The following ANKFY1 variants were observed in gnomAD, a reference collection of about 807,000 sequenced individuals.
ANKFY1 encodes the protein ankyrin repeat and FYVE domain-containing protein 1.
ANKFY1 carries 47 observed loss-of-function variants against 128.3 expected under a neutral mutation model. That is an observed-to-expected ratio of 0.37 (90% CI 0.29 to 0.47). The LOEUF is 0.47. ANKFY1 is among the 20% of genes least tolerant of loss of function. ANKFY1 has a pLI of 1.00. For synonymous variants in ANKFY1, 553 were observed against 601.6 expected, an observed-to-expected ratio of 0.92 and a Z score of 1.18; for missense variants, 1,222 against 1,510.6, an observed-to-expected ratio of 0.81 and a Z score of 3.17.
At chr17:4,186,317 G>C (rs2059611137) in intron 11 of ANKFY1, 1 of 152,656 alleles carries the variant, frequency 6.6e-6, no homozygotes, top group South Asian at 2.1e-4. Flanking sequence ...AAGGCTTCTT[G>C]TAAAAATCAG....
At chr17:4,190,467 C>T (rs1470128635) in intron 10 of ANKFY1, among the ~76,000 whole-genome samples, 2 of 151,972 alleles carry the variant, frequency 1.3e-5, no homozygotes, top group African/African-American at 4.8e-5. Context: ...GAAATGTCTA[C>T]AGATGTTGAC....
At chr17:4,204,164 T>G (rs555267149) in intron 7 of ANKFY1, among the ~76,000 whole-genome samples, 2 of 152,318 alleles carry the variant, frequency 1.3e-5, no homozygotes, top group African/African-American at 4.8e-5. Context: ...CTTTAACAGT[T>G]AAAGTGAAAA....
chr17:4,257,442 T>C (rs969708024), intron 1 of ANKFY1, among the ~76,000 whole-genome samples: 6 of 152,158 alleles, frequency 3.9e-5, no homozygotes, highest in Admixed American at 1.3e-4. Context: ...CCCTTAATAA[T>C]CTGGCCCTTA....
chr17:4,220,790 T>G (rs1003021963), intron 3 of ANKFY1, among the ~76,000 whole-genome samples: 1 of 152,170 alleles, frequency 6.6e-6, no homozygotes, highest in African/African-American at 2.4e-5. Context: ...ACTGGGTACT[T>G]GTGGGTAAAT....
intron 3 of ANKFY1, among the ~76,000 whole-genome samples, chr17:4,233,729 T>C (rs2060553616): frequency 6.6e-6 from 1 of 152,206 alleles, no homozygotes; most frequent in Admixed American, 6.5e-5. Context: ...GCTAACTACA[T>C]TTCTGTATTT....
chr17:4,247,110 G>C (rs1446648019), intron 1 of ANKFY1, among the ~76,000 whole-genome samples: 1 of 147,966 alleles, frequency 6.8e-6, no homozygotes, highest in Non-Finnish European at 1.5e-5. Flanking sequence ...GAGAGACCCT[G>C]TCTTAAAAAA....
chr17:4,241,807 G>A (rs566235506), intron 2 of ANKFY1, among the ~76,000 whole-genome samples: 66 of 151,410 alleles, frequency 4.4e-4, no homozygotes, highest in African/African-American at 1.2e-3. Flanking sequence ...ATCTTGCCTC[G>A]GGCCCGGCAC....
At position 4,249,174 on chromosome 17, in the gene ANKFY1, T is replaced by C. The variant is rs1234199812; in HGVS notation, c.11-6726A>G. ...CTTCCTTCTAGGTCAGGAGTTGGCA[T>C]ACTTTCCGTACAGGGCCACATAGCA... is the stretch of plus-strand genomic sequence containing the variant. On this transcript the variant is annotated intron_variant, in intron 1 of 24. Transcript: ENST00000341657. 2.1e-5 allele frequency: 20 copies of C among 964,440 alleles called. No homozygotes were observed. The East Asian group carries it at 1.9e-3, about 94-fold the overall frequency. 59.7% of individuals were successfully genotyped at this position (964,440 alleles called of 1,614,324 possible).
At chr17:4,234,473 T>TGACATAA (rs1966859724) in intron 3 of ANKFY1, among the ~76,000 whole-genome samples, 1 of 152,138 alleles carries the variant, frequency 6.6e-6, no homozygotes, top group African/African-American at 2.4e-5. Flanking sequence ...ATAAAACAAG[T>TGACATAA]AACATTAAAT....
intron 6 of ANKFY1, among the ~76,000 whole-genome samples, chr17:4,207,129 G>C (rs1250259952): frequency 6.6e-6 from 1 of 152,054 alleles, no homozygotes; most frequent in Non-Finnish European, 1.5e-5. Context: ...CAGAGGGCCC[G>C]ACCCATCTAA....
chr17:4,168,050 C>T (rs773251816), intron 24 of ANKFY1, 139 bp from the exon 25 acceptor site: 141 of 854,250 alleles, frequency 1.7e-4, no homozygotes, highest in Non-Finnish European at 2.1e-4. Context: ...ACTGCCAGCC[C>T]GGTTACCACA....
intron 1 of ANKFY1, 84 bp downstream of exon 1, chr17:4,263,848 T>C: frequency 6.2e-7 from 1 of 1,612,178 alleles, no homozygotes; most frequent in Non-Finnish European, 8.5e-7. Context: ...ACGCCCGGCC[T>C]TCCCCTCCCA....
chr17:4,170,465 A>T (rs115620383), intron 23 of ANKFY1, among the ~76,000 whole-genome samples: 49 of 152,268 alleles, frequency 3.2e-4, no homozygotes, highest in African/African-American at 1.1e-3. Context: ...GAGCTTTGGC[A>T]TTTCTAGAAG....
rs528365665 is a variant in ANKFY1, at chr17:4,209,216, C to T, written c.582+608G>A. Among the ~76,000 whole-genome samples, 7 of 152,350 alleles carry T rather than the reference C, an allele frequency of 4.6e-5. 1 individual carries two copies. The South Asian group carries it at 1.5e-3, about 32-fold the overall frequency. ...GGGCCTGCTGGCCGTGGAGCCACAC[C>T]CTACTCCTGCAGCTCAGCAGCAGCT... On this transcript the variant is annotated intron_variant, in intron 5 of 24. Coordinates refer to ENST00000341657, the MANE Select transcript of ANKFY1 (RefSeq NM_001330063.2).
chr17:4,177,314 A>G lies in ANKFY1; in HGVS notation c.2599-12T>C, dbSNP rs374983566. On this transcript the variant is annotated splice_polypyrimidine_tract_variant and intron_variant, in intron 18 of 24. Coordinates refer to ENST00000341657, the MANE Select transcript of ANKFY1 (RefSeq NM_001330063.2). ...CCCTTGTTATCCACCTACAGCAACA[A>G]GTGCAAAGCAAAATATTAGTTCCCT... The G allele has an allele frequency of 2.1e-4, 333 of 1,565,678 alleles. No homozygotes were observed. The highest frequency in any genetic ancestry group is 7.7e-5 in the Non-Finnish European group (89 of 1,153,880).
At chr17:4,210,031 G>T in intron 4 of ANKFY1, 84 bp from the exon 5 acceptor site, 4 of 1,361,550 alleles carry the variant, frequency 2.9e-6, no homozygotes, top group Non-Finnish European at 3.0e-6. Flanking sequence ...CTTTGTACTG[G>T]CTGGCTATGT....
At chr17:4,251,450 TAAAAAC>T (rs906335105) in intron 1 of ANKFY1, among the ~76,000 whole-genome samples, 1 of 150,784 alleles carries the variant, frequency 6.6e-6, no homozygotes, top group Non-Finnish European at 1.5e-5. Flanking sequence ...CCTGTCTCTT[TAAAAAC>T]AAAAACAAAA....
intron 24 of ANKFY1, 155 bp from the exon 25 acceptor site, chr17:4,168,066 TGTA>T: frequency 1.3e-6 from 1 of 750,762 alleles, no homozygotes; most frequent in East Asian, 2.8e-5. Flanking sequence ...CCACAATTCA[TGTA>T]GAATTTTTAG....
At chr17:4,187,502 G>A (rs896411428) in intron 11 of ANKFY1, 16 of 376,304 alleles carry the variant, frequency 4.3e-5, no homozygotes, top group African/African-American at 3.3e-4. Context: ...AGCCCACACA[G>A]CGGAAGCCAG....
Sources: allele counts gnomAD v4.1 joint callset (sites outside exome capture counted in the v4.1 genomes callset), GRCh38; gene constraint gnomAD v4.1.1; transcripts MANE v1.5; gene names NCBI Gene and HGNC (gene_info 2026-07-23, HGNC 2026-07-21).